The following C15orf40 variants were observed in gnomAD, a reference collection of about 807,000 sequenced individuals.
The protein encoded by C15orf40 is chromosome 15 open reading frame 40.
A neutral mutation model predicts 13.9 loss-of-function variants in C15orf40; 9 were observed. The observed-to-expected ratio is 0.65, with a 90% CI of 0.39 to 1.13. The LOEUF (loss-of-function observed/expected upper bound fraction) is 1.13, where lower values mean the gene tolerates loss of function less well. Ranked by LOEUF, C15orf40 falls within the 50% of genes most tolerant of loss-of-function variation. C15orf40 has a pLI of 0.01. For missense variants in C15orf40, 225 were observed against 188.5 expected (o/e 1.19, Z -1.13); for synonymous variants, 95 against 69.2 (o/e 1.37, Z -1.85).
intron 3 of C15orf40, among the ~76,000 whole-genome samples, chr15:83,007,147 A>T (rs948588719): frequency 4.6e-5 from 7 of 152,200 alleles, no homozygotes. Flanking sequence ...AATCATTCCC[A>T]GGTGACTTTG....
In C15orf40 at chr15:83,008,533, G is replaced by C. The variant is rs778491117; in HGVS notation, c.366+15C>G. 3 of 1,560,338 alleles carry C rather than the reference G, an allele frequency of 1.9e-6. No individual in the cohort carries two copies. The highest frequency in any genetic ancestry group is 1.8e-6 in the Non-Finnish European group (2 of 1,142,754). On this transcript the variant is annotated intron_variant, in intron 3 of 3. Coordinates refer to ENST00000304177, the MANE Select transcript of C15orf40 (RefSeq NM_144597.3). ...GATTTTGTCTCAAAAAAAAAAAAAA[G>C]AGAGCGAGACCTACCTTATCCAAAA...
Position 83,008,707 on chromosome 15 carries a change from AAGG to A in C15orf40, c.239-35_239-33del, listed in dbSNP as rs762359737. On this transcript the variant is annotated intron_variant, in intron 2 of 3. Transcript: ENST00000304177. Reference sequence around the variant, plus strand: ...TGAAAATAGTGTGGACTTTATCCTTAAGGAGTTCTTTTTCTTCATGAAGCAAGG... The same window carrying A: ...TGAAAATAGTGTGGACTTTATCCTTAAGTTCTTTTTCTTCATGAAGCAAGG... 22 of 1,548,542 alleles carry A rather than the reference AAGG, an allele frequency of 1.4e-5. No individual in the cohort carries two copies. In the Admixed American group the frequency reaches 3.2e-4, roughly 23 times the overall value.
At chr15:83,009,156 T>C (rs544380053) in intron 2 of C15orf40, among the ~76,000 whole-genome samples, 1 of 152,318 alleles carries the variant, frequency 6.6e-6, no homozygotes, top group Admixed American at 6.5e-5. Context: ...TCTTGAGTGT[T>C]TTTAAAATTT....
At position 83,004,808 on chromosome 15, in the gene C15orf40, T is replaced by C. The variant is rs2031586666; in HGVS notation, c.*789A>G. 6 of 1,215,590 alleles carry C rather than the reference T, an allele frequency of 4.9e-6. No homozygotes were observed. Among genetic ancestry groups the C allele is most frequent in the Non-Finnish European group, 6.4e-6 (6 of 938,794 alleles). 75.3% of individuals were successfully genotyped at this position (1,215,590 alleles called of 1,614,324 possible). On this transcript the variant is annotated 3_prime_UTR_variant, in exon 4 of 4. Coordinates refer to ENST00000304177, the MANE Select transcript of C15orf40 (RefSeq NM_144597.3). Reference sequence around the variant, plus strand: ...ACAAAGCAGCATAACAGGTTTTCTGTCACTTGTAAACTGGATTAGAAGGCA... The same window carrying C: ...ACAAAGCAGCATAACAGGTTTTCTGCCACTTGTAAACTGGATTAGAAGGCA...
Position 82,997,328 on chromosome 15 carries a change from TC to T in C15orf40, c.*8268del, listed in dbSNP as rs1185763646. ...ACAAGTGAACAAAGGTCTCTGGTTT[TC>T]CTAGGCAGAGGACCCTGCGGCCTTC... On this transcript the variant is annotated 3_prime_UTR_variant, in exon 4 of 4. Transcript: ENST00000304177. 1 of 148,110 alleles carries T rather than the reference TC, an allele frequency of 6.8e-6. No individual in the cohort carries two copies. Among genetic ancestry groups the T allele is most frequent in the African/African-American group, 2.5e-5 (1 of 39,468 alleles). The allele number at this position is 148,110 out of a possible 1,614,324, so 9.2% of individuals were successfully genotyped here. A position where few individuals can be genotyped will look rare whatever the true frequency, so the allele number is the denominator to read the frequency against.
rs1023041146 is a variant in C15orf40, at chr15:82,996,066, G to T, written c.*9531C>A. ...GCCCCATGTATGGGCTAATTCAGTTGGTGTTTTCACTCCTTTCCCTCAGGG... is the reference window on the plus strand; with the variant it reads ...GCCCCATGTATGGGCTAATTCAGTTTGTGTTTTCACTCCTTTCCCTCAGGG... On this transcript the variant is annotated 3_prime_UTR_variant, in exon 4 of 4. Transcript: ENST00000304177. 1 of 152,126 alleles carries T rather than the reference G, an allele frequency of 6.6e-6. No homozygotes were observed. Among genetic ancestry groups the T allele is most frequent in the African/African-American group, 2.4e-5 (1 of 41,424 alleles). The allele number at this position is 152,126 out of a possible 1,614,324, so 9.4% of individuals were successfully genotyped here.
Position 83,004,077 on chromosome 15 carries a change from T to TAA in C15orf40, c.*1518_*1519dup, listed in dbSNP as rs2031546951. ...CTTCTTATATATGAGGTCTTATATA[T>TAA]AATCTTACATATAAATATATATATC... On this transcript the variant is annotated 3_prime_UTR_variant, in exon 4 of 4. Transcript: ENST00000304177. The TAA allele has an allele frequency of 6.6e-6, 1 of 151,982 alleles. No homozygotes were observed. The highest frequency in any genetic ancestry group is 2.4e-5 in the African/African-American group (1 of 41,276). 9.4% of individuals were successfully genotyped at this position (151,982 alleles called of 1,614,324 possible). A position where few individuals can be genotyped will look rare whatever the true frequency, so the allele number is the denominator to read the frequency against.
rs1134290 is a variant in C15orf40 at position 83,005,511 on chromosome 15, T to C, written c.*86A>G. 3 of 1,212,692 alleles carry C rather than the reference T, an allele frequency of 2.5e-6. No homozygotes were observed. The highest frequency in any genetic ancestry group is 6.2e-5 in the East Asian group (2 of 32,076). The allele number at this position is 1,212,692 out of a possible 1,614,324, so 75.1% of individuals were successfully genotyped here. A position where few individuals can be genotyped will look rare whatever the true frequency, so the allele number is the denominator to read the frequency against. On this transcript the variant is annotated 3_prime_UTR_variant, in exon 4 of 4. Transcript: ENST00000304177. The stretch of plus-strand genomic sequence containing the variant: ...GTTGGTCAGGCTGGTCTCGAACTCC[T>C]GACCTCAGGTGATCCGCCCACCACG...
intron 3 of C15orf40, 137 bp from the exon 4 acceptor site, chr15:83,005,829 T>C (rs754897501): frequency 1.3e-5 from 17 of 1,283,302 alleles, no homozygotes; most frequent in Non-Finnish European, 1.6e-5. Context: ...AGACTATCTC[T>C]TAGATTCTTC....
chr15:83,009,358 T>C (rs2031872481), intron 2 of C15orf40, among the ~76,000 whole-genome samples: 1 of 152,186 alleles, frequency 6.6e-6, no homozygotes, highest in Admixed American at 6.5e-5. Context: ...TTAGATCTAA[T>C]GAAACATAAT....
Position 83,001,348 on chromosome 15 carries a change from AT to A in C15orf40, c.*4248del. ...CAAGTTAATAAGTGATTAATACATC[AT>A]GTTTGCACAAGTAATTATCATTTAT... On this transcript the variant is annotated 3_prime_UTR_variant, in exon 4 of 4. Coordinates refer to ENST00000304177, the MANE Select transcript of C15orf40 (RefSeq NM_144597.3). 1.1e-6 allele frequency: 1 copy of A among 944,736 alleles called. No individual in the cohort carries two copies. Among genetic ancestry groups the A allele is most frequent in the African/African-American group, 1.8e-5 (1 of 56,540 alleles). The allele number at this position is 944,736 out of a possible 1,614,324, so 58.5% of individuals were successfully genotyped here.
At position 83,011,436 on chromosome 15, in the gene C15orf40, G is replaced by A. The variant is rs368924061; in HGVS notation, c.111+61C>T. 17 of 1,510,744 alleles carry A rather than the reference G, an allele frequency of 1.1e-5. No homozygotes were observed. In the African/African-American group the frequency reaches 1.7e-4, roughly 15 times the overall value. 93.6% of individuals were successfully genotyped at this position (1,510,744 alleles called of 1,614,324 possible). A position where few individuals can be genotyped will look rare whatever the true frequency, so the allele number is the denominator to read the frequency against. On this transcript the variant is annotated intron_variant, in intron 1 of 3. Coordinates refer to ENST00000304177, the MANE Select transcript of C15orf40 (RefSeq NM_144597.3). Reference sequence around the variant, plus strand: ...CTCACTCCCGGGCCCCGCTTCTCCCGCGCTCTTCAACAAGTACCCCTGAGG... The same window carrying A: ...CTCACTCCCGGGCCCCGCTTCTCCCACGCTCTTCAACAAGTACCCCTGAGG...
chr15:83,006,575 T>C (rs550423611), intron 3 of C15orf40: 4 of 565,036 alleles, frequency 7.1e-6, no homozygotes, highest in Non-Finnish European at 9.0e-6. Context: ...GCCTGGCCAA[T>C]GTGGCAAAAC....
chr15:82,996,436 C>T lies in C15orf40; in HGVS notation c.*9161G>A, dbSNP rs144603603. 6.6e-6 allele frequency: 1 copy of T among 151,662 alleles called. No homozygotes were observed. Among genetic ancestry groups the T allele is most frequent in the African/African-American group, 2.4e-5 (1 of 41,288 alleles). 9.4% of individuals were successfully genotyped at this position (151,662 alleles called of 1,614,324 possible). The stretch of plus-strand genomic sequence containing the variant: ...CAGGCGGATCACGAGGTCAGGAGAT[C>T]GAGACCATTCTGGCTAACACGGTGA... On this transcript the variant is annotated 3_prime_UTR_variant, in exon 4 of 4. Coordinates refer to ENST00000304177, the MANE Select transcript of C15orf40 (RefSeq NM_144597.3).
intron 3 of C15orf40, among the ~76,000 whole-genome samples, chr15:83,006,688 G>A (rs894369739): frequency 6.6e-6 from 1 of 152,132 alleles, no homozygotes; most frequent in Non-Finnish European, 1.5e-5. Context: ...GGAGGGGCGG[G>A]GCGCGGGGCG....
intron 2 of C15orf40, among the ~76,000 whole-genome samples, chr15:83,009,231 ATG>A (rs1227239901): frequency 6.6e-6 from 1 of 152,240 alleles, no homozygotes; most frequent in African/African-American, 2.4e-5. Flanking sequence ...GCACACACAA[ATG>A]TGTTAAAGGC....
At chr15:83,008,487 C>T (rs2031817410) in intron 3 of C15orf40, 61 bp downstream of exon 3, 1 of 1,574,454 alleles carries the variant, frequency 6.4e-7, no homozygotes, top group Middle Eastern at 1.7e-4. Flanking sequence ...CCACTGCACT[C>T]CAGCTTGGGC....
intron 1 of C15orf40, chr15:83,010,758 G>GA (rs553899264): frequency 4.3e-4 from 70 of 162,650 alleles, no homozygotes; most frequent in South Asian, 1.3e-3. Flanking sequence ...GGAAAGGGAG[G>GA]AAAAAAAAAT....
intron 3 of C15orf40, among the ~76,000 whole-genome samples, chr15:83,007,131 T>C (rs894307423): frequency 2.6e-5 from 4 of 152,142 alleles, no homozygotes; most frequent in Non-Finnish European, 4.4e-5. Context: ...GGGATCTGTA[T>C]TTAGAAATCA....
Sources: gnomAD v4.1 joint callset for allele counts (sites outside exome capture counted in the v4.1 genomes callset) on GRCh38, gnomAD v4.1.1 for gene constraint, MANE v1.5 for transcripts, NCBI Gene and HGNC (gene_info 2026-07-23, HGNC 2026-07-21) for gene names.